Variants in RBMS3 observed in about 807,000 individuals in gnomAD.
The protein encoded by RBMS3 is RNA binding motif single stranded interacting protein 3, also known as RNA-binding motif, single-stranded-interacting protein 3.
A neutral mutation model predicts 66.8 loss-of-function variants in RBMS3; 27 were observed. The ratio of observed to expected loss-of-function variants is 0.40; its 90% CI spans 0.30 to 0.56. RBMS3 has a LOEUF of 0.56. Ranked by LOEUF, RBMS3 falls within the 20% of genes least tolerant of loss-of-function variation. RBMS3 has a pLI of 0.40. For missense variants in RBMS3, 513 were observed against 549.5 expected (o/e 0.93, Z 0.66); for synonymous variants, 188 against 183.0 (o/e 1.03, Z -0.22).
At chr3:29,904,254 C>T (rs1487739507) in intron 10 of RBMS3, among the ~76,000 whole-genome samples, 1 of 151,870 alleles carries the variant, frequency 6.6e-6, no homozygotes, top group Non-Finnish European at 1.5e-5. Flanking sequence ...AAAGATTTTC[C>T]ACCTAGGATC....
At chr3:29,376,987 G>C (rs1461652938) in intron 1 of RBMS3, among the ~76,000 whole-genome samples, 1 of 152,134 alleles carries the variant, frequency 6.6e-6, no homozygotes, top group Non-Finnish European at 1.5e-5. Flanking sequence ...TACTCAGGAG[G>C]CTGAGACAGG....
At position 29,729,105 on chromosome 3, in the gene RBMS3, G is replaced by A. The variant is rs2054010606; in HGVS notation, c.400-10615G>A. ...CCCATCAGCTTGTCATTTACATTAG[G>A]TATTTCTCCTAATGCTATCCCTCCC... On this transcript the variant is annotated intron_variant, in intron 4 of 14. Transcript: ENST00000383767. Among the ~76,000 whole-genome samples the A allele has an allele frequency of 4.6e-5, 7 of 151,956 alleles. No homozygotes were observed. The South Asian group carries it at 1.5e-3, about 32-fold the overall frequency.
intron 1 of RBMS3, among the ~76,000 whole-genome samples, chr3:29,363,827 G>T (rs1466983711): frequency 1.3e-5 from 2 of 150,254 alleles, no homozygotes; most frequent in Non-Finnish European, 3.0e-5. Flanking sequence ...CTGTTTTTTA[G>T]CAACAGTTAA....
At chr3:29,594,892 G>T (rs2047889669) in intron 4 of RBMS3, among the ~76,000 whole-genome samples, 1 of 152,056 alleles carries the variant, frequency 6.6e-6, no homozygotes, top group African/African-American at 2.4e-5. Flanking sequence ...TCTGCCTGTG[G>T]GTACTACCCT....
At chr3:29,658,352 A>G (rs2050398503) in intron 4 of RBMS3, among the ~76,000 whole-genome samples, 1 of 152,220 alleles carries the variant, frequency 6.6e-6, no homozygotes, top group South Asian at 2.1e-4. Context: ...TCATGTTAAT[A>G]TGGCAGATTC....
Position 29,691,931 on chromosome 3 carries a change from T to TTCTCTCTCTCTC in RBMS3, c.400-47783_400-47772dup, listed in dbSNP as rs146758867. Among the ~76,000 whole-genome samples, 418 of 114,842 alleles carry TTCTCTCTCTCTC rather than the reference T, an allele frequency of 3.6e-3. 4 individuals are homozygous for TTCTCTCTCTCTC. Among genetic ancestry groups the TTCTCTCTCTCTC allele is most frequent in the African/African-American group, 8.5e-3 (256 of 30,146 alleles). 75.3% of individuals were successfully genotyped at this position (114,842 alleles called of 152,430 possible). On this transcript the variant is annotated intron_variant, in intron 4 of 14. Coordinates refer to ENST00000383767, the MANE Select transcript of RBMS3 (RefSeq NM_001003793.3). ...TATAAATCTTATTTATGTGTGACCC[T>TTCTCTCTCTCTC]TCTCTCTCTCTCTCTCTATTTTTTT...
intron 4 of RBMS3, among the ~76,000 whole-genome samples, chr3:29,726,909 A>G (rs2053905047): frequency 2.0e-5 from 3 of 152,178 alleles, no homozygotes; most frequent in African/African-American, 7.2e-5. Flanking sequence ...TATAGCCAAG[A>G]CAATCCTAAG....
intron 12 of RBMS3, among the ~76,000 whole-genome samples, chr3:29,975,042 ATTTTATATAT>A (rs1697482813): frequency 9.2e-6 from 1 of 108,810 alleles, no homozygotes; most frequent in African/African-American, 3.8e-5. Context: ...ATATTTATAT[ATTTTATATAT>A]AAAATATGTT....
At chr3:29,356,221 G>A (rs980949342) in intron 1 of RBMS3, among the ~76,000 whole-genome samples, 2 of 152,126 alleles carry the variant, frequency 1.3e-5, no homozygotes, top group African/African-American at 4.8e-5. Flanking sequence ...TGAGAAACAG[G>A]TCTCAGGCTA....
At chr3:29,543,188 A>G (rs1033134172) in intron 3 of RBMS3, among the ~76,000 whole-genome samples, 3 of 152,150 alleles carry the variant, frequency 2.0e-5, no homozygotes, top group Non-Finnish European at 2.9e-5. Context: ...ATATCCAAAG[A>G]TAAACCTAAG....
chr3:29,358,065 G>A (rs574280123), intron 1 of RBMS3, among the ~76,000 whole-genome samples: 2 of 152,078 alleles, frequency 1.3e-5, no homozygotes, highest in South Asian at 4.2e-4. Flanking sequence ...TCCCATTTGT[G>A]AATTTTGGCT....
At chr3:29,786,879 G>T (rs1166082705) in intron 6 of RBMS3, among the ~76,000 whole-genome samples, 1 of 152,114 alleles carries the variant, frequency 6.6e-6, no homozygotes. Context: ...CACAGGAAAA[G>T]AAATAATGAG....
intron 4 of RBMS3, among the ~76,000 whole-genome samples, chr3:29,637,116 A>T (rs1047042414): frequency 5.3e-5 from 8 of 151,890 alleles, no homozygotes; most frequent in African/African-American, 1.9e-4. Context: ...AGCAGGAAGC[A>T]ACACTTTCCA....
chr3:29,733,119 A>G (rs1409632187), intron 4 of RBMS3, among the ~76,000 whole-genome samples: 2 of 152,136 alleles, frequency 1.3e-5, no homozygotes, highest in Non-Finnish European at 2.9e-5. Flanking sequence ...TCTTTAGTCT[A>G]TATATACATC....
chr3:29,427,282 A>G (rs1461053259), intron 1 of RBMS3, among the ~76,000 whole-genome samples: 2 of 152,262 alleles, frequency 1.3e-5, no homozygotes, highest in Non-Finnish European at 2.9e-5. Flanking sequence ...TTGCAAAGCC[A>G]TAATGTATGT....
intron 4 of RBMS3, among the ~76,000 whole-genome samples, chr3:29,657,818 C>T (rs988424690): frequency 1.3e-5 from 2 of 152,034 alleles, no homozygotes; most frequent in African/African-American, 4.8e-5. Context: ...ATAAATGATA[C>T]GAAAGAAAAG....
At chr3:29,537,217 G>C (rs770734783) in intron 3 of RBMS3, among the ~76,000 whole-genome samples, 1 of 152,150 alleles carries the variant, frequency 6.6e-6, no homozygotes, top group Non-Finnish European at 1.5e-5. Flanking sequence ...CAGCTGAATG[G>C]ACTATTGGCA....
intron 1 of RBMS3, among the ~76,000 whole-genome samples, chr3:29,410,785 G>C (rs1329786613): frequency 1.3e-5 from 2 of 152,130 alleles, no homozygotes; most frequent in Non-Finnish European, 2.9e-5. Flanking sequence ...TTTCAAAGCT[G>C]TGTGTGTGGT....
intron 11 of RBMS3, 96 bp downstream of exon 11, chr3:29,936,292 C>T (rs2061264137): frequency 3.5e-6 from 4 of 1,155,900 alleles, no homozygotes; most frequent in Non-Finnish European, 5.0e-6. Context: ...TGTGTCTGTA[C>T]CATATTCGTT....
Sources: allele counts gnomAD v4.1 joint callset (sites outside exome capture counted in the v4.1 genomes callset), GRCh38; gene constraint gnomAD v4.1.1; transcripts MANE v1.5; gene names NCBI Gene and HGNC (gene_info 2026-07-23, HGNC 2026-07-21).